The following CADPS2 variants were observed in gnomAD, a reference collection of about 807,000 sequenced individuals.
CADPS2 encodes the protein calcium-dependent secretion activator 2.
Under a neutral mutation model 172.5 loss-of-function variants are expected in CADPS2, and 93 were observed. The ratio of observed to expected loss-of-function variants is 0.54; its 90% CI spans 0.46 to 0.64. CADPS2 has a LOEUF of 0.64. Among genes scored for constraint, CADPS2 ranks in the 30% least tolerant of loss-of-function variants. The pLI, the probability that CADPS2 is intolerant of heterozygous loss-of-function variation, is 0.00. For synonymous variants in CADPS2, 546 were observed against 555.2 expected, an observed-to-expected ratio of 0.98 and a Z score of 0.23; for missense variants, 1,420 against 1,565.9, an observed-to-expected ratio of 0.91 and a Z score of 1.57.
intron 20 of CADPS2, among the ~76,000 whole-genome samples, chr7:122,394,075 A>T (rs1418985100): frequency 6.6e-6 from 1 of 152,170 alleles, no homozygotes; most frequent in East Asian, 1.9e-4. Flanking sequence ...TGGGTTTGGG[A>T]ATATCTATTT....
At chr7:122,829,747 A>AGTGGCGGGCGCCTGTAGTCCCAGCT (rs1805954309) in intron 1 of CADPS2, among the ~76,000 whole-genome samples, 1 of 152,202 alleles carries the variant, frequency 6.6e-6, no homozygotes, top group Non-Finnish European at 1.5e-5. Flanking sequence ...ATTCAGAAGT[A>AGTGGCGGGCGCCTGTAGTCCCAGCT]AAAATAAAAC....
At chr7:122,846,560 A>G (rs1284125945) in intron 1 of CADPS2, among the ~76,000 whole-genome samples, 1 of 152,204 alleles carries the variant, frequency 6.6e-6, no homozygotes, top group Non-Finnish European at 1.5e-5. Flanking sequence ...TAATATACAG[A>G]TAAAGGAATT....
intron 8 of CADPS2, among the ~76,000 whole-genome samples, chr7:122,548,034 G>A (rs1273136545): frequency 6.6e-6 from 1 of 152,118 alleles, no homozygotes; most frequent in Non-Finnish European, 1.5e-5. Context: ...TAGACAGTAA[G>A]TATTGAGTCA....
chr7:122,505,314 G>A (rs1347809107), intron 9 of CADPS2, among the ~76,000 whole-genome samples: 2 of 152,220 alleles, frequency 1.3e-5, no homozygotes, highest in South Asian at 2.1e-4. Context: ...GCTGTTTTAT[G>A]CTATAAGTAT....
intron 1 of CADPS2, among the ~76,000 whole-genome samples, chr7:122,853,528 C>G (rs982323968): frequency 1.3e-5 from 2 of 152,162 alleles, no homozygotes; most frequent in Non-Finnish European, 2.9e-5. Context: ...TAACAGATCC[C>G]TATTTGTTCT....
At chr7:122,330,064 G>A (rs920802) in intron 28 of CADPS2, among the ~76,000 whole-genome samples, 57,995 of 152,020 alleles carry the variant, frequency 0.38, 11,535 homozygotes, top group Non-Finnish European at 0.43. Flanking sequence ...CAAAGAAAAG[G>A]AAAGAAAAAG....
chr7:122,693,955 G>C (rs949997176), intron 2 of CADPS2, among the ~76,000 whole-genome samples: 1 of 152,102 alleles, frequency 6.6e-6, no homozygotes. Context: ...CAGAGGAAGA[G>C]CTCTGTCTCA....
chr7:122,466,878 C>T (rs1181297587), intron 14 of CADPS2, among the ~76,000 whole-genome samples: 2 of 152,138 alleles, frequency 1.3e-5, no homozygotes, highest in Non-Finnish European at 2.9e-5. Context: ...TGATTCCTCA[C>T]TCAGAGATAT....
rs563865046 is a variant in CADPS2 at position 122,416,180 on chromosome 7, T to A, written c.2477-16A>T. ...TTCATGGTCTCTATATGAAAAAAAA[T>A]CATAATCATGTTACCTTGAAAATAA... On this transcript the variant is annotated splice_polypyrimidine_tract_variant and intron_variant, in intron 17 of 29. Transcript: ENST00000449022. 2.9e-5 allele frequency: 41 copies of A among 1,433,716 alleles called. No homozygotes were observed. The South Asian group carries it at 4.0e-4, about 14-fold the overall frequency. The allele number at this position is 1,433,716 out of a possible 1,614,324, so 88.8% of individuals were successfully genotyped here.
chr7:122,701,991 T>G (rs932811599), intron 2 of CADPS2: 1 of 1,613,668 alleles, frequency 6.2e-7, no homozygotes, highest in Non-Finnish European at 8.5e-7. Context: ...TTGTCTTCAT[T>G]TAGGTCTAAT....
intron 4 of CADPS2, among the ~76,000 whole-genome samples, chr7:122,623,751 T>C (rs935940470): frequency 6.6e-6 from 1 of 152,202 alleles, no homozygotes; most frequent in Non-Finnish European, 1.5e-5. Flanking sequence ...ATCTCTATTG[T>C]GTGTCCATTT....
chr7:122,333,408 G>A (rs146307033), intron 28 of CADPS2, among the ~76,000 whole-genome samples: 9 of 152,220 alleles, frequency 5.9e-5, no homozygotes, highest in Admixed American at 6.5e-5. Context: ...TCCTAAGGAC[G>A]GGAGTAGACA....
intron 9 of CADPS2, among the ~76,000 whole-genome samples, chr7:122,509,483 A>G (rs1018831135): frequency 2.0e-5 from 3 of 152,200 alleles, no homozygotes; most frequent in Non-Finnish European, 4.4e-5. Flanking sequence ...TCAGTTTCCA[A>G]TGATGTCACA....
intron 1 of CADPS2, among the ~76,000 whole-genome samples, chr7:122,825,525 T>C (rs561365704): frequency 6.6e-6 from 1 of 152,136 alleles, no homozygotes; most frequent in Non-Finnish European, 1.5e-5. Flanking sequence ...ATAGAAAGAT[T>C]GACCAAAAGT....
chr7:122,711,444 A>T lies in CADPS2; in HGVS notation c.453+25511T>A, dbSNP rs961404901. Among the ~76,000 whole-genome samples, 6 of 152,110 alleles carry T rather than the reference A, an allele frequency of 3.9e-5. No individual in the cohort carries two copies. The East Asian group carries it at 1.2e-3, about 29-fold the overall frequency. ...GAAAACTATACCAATTATGTATACCATGGTACCTCAGAGAAAACTCTAACA... is the reference window on the plus strand; with the variant it reads ...GAAAACTATACCAATTATGTATACCTTGGTACCTCAGAGAAAACTCTAACA... On this transcript the variant is annotated intron_variant, in intron 2 of 29. Coordinates refer to ENST00000449022, the MANE Select transcript of CADPS2 (RefSeq NM_017954.11).
At chr7:122,402,411 C>T (rs2046067613) in intron 20 of CADPS2, among the ~76,000 whole-genome samples, 1 of 152,162 alleles carries the variant, frequency 6.6e-6, no homozygotes, top group Non-Finnish European at 1.5e-5. Flanking sequence ...AGCCCCCCGC[C>T]CGAGTTCCTG....
rs1343842687 is a variant in CADPS2 at position 122,803,568 on chromosome 7, T to TTTC, written c.340-66501_340-66500insGAA. Among the ~76,000 whole-genome samples the TTTC allele has an allele frequency of 2.6e-5, 4 of 152,314 alleles. No individual in the cohort carries two copies. In the East Asian group the frequency reaches 7.7e-4, roughly 29 times the overall value. On this transcript the variant is annotated intron_variant, in intron 1 of 29. Coordinates refer to ENST00000449022, the MANE Select transcript of CADPS2 (RefSeq NM_017954.11). ...ATAAATCACAGGAAACTTTCACCAC[T>TTTC]AGATGGTGAGCTTGTGGCTTGGCAG...
intron 2 of CADPS2, among the ~76,000 whole-genome samples, chr7:122,713,965 A>G (rs186190219): frequency 7.3e-4 from 111 of 152,238 alleles, no homozygotes; most frequent in South Asian, 2.1e-3. Context: ...ATATTTTTCA[A>G]TATGTTGACA....
intron 1 of CADPS2, among the ~76,000 whole-genome samples, chr7:122,847,686 A>T (rs2141030376): frequency 6.6e-6 from 1 of 152,270 alleles, no homozygotes; most frequent in Admixed American, 6.5e-5. Flanking sequence ...TCCAAAGTAA[A>T]TTTGCCTTAG....
Sources: gnomAD v4.1 joint callset for allele counts (sites outside exome capture counted in the v4.1 genomes callset) on GRCh38, gnomAD v4.1.1 for gene constraint, MANE v1.5 for transcripts, NCBI Gene and HGNC (gene_info 2026-07-23, HGNC 2026-07-21) for gene names.